The following TACC1 variants were observed in gnomAD, a reference collection of about 807,000 sequenced individuals.
TACC1 encodes the protein transforming acidic coiled-coil containing protein 1.
In TACC1, 48 loss-of-function variants were observed where a neutral mutation model predicts 84.4. That is an observed-to-expected ratio of 0.57 (90% CI 0.45 to 0.72). The LOEUF (loss-of-function observed/expected upper bound fraction) is 0.72, where lower values mean the gene tolerates loss of function less well. Ranked by LOEUF, TACC1 falls within the 30% of genes least tolerant of loss-of-function variation. TACC1 has a pLI of 0.00. For synonymous variants in TACC1, 372 were observed against 376.3 expected (o/e 0.99, Z 0.13); for missense variants, 920 against 973.0 (o/e 0.95, Z 0.72).
chr8:38,786,692 G>A (rs1267466631), upstream of TACC1, among the ~76,000 whole-genome samples: 1 of 151,972 alleles, frequency 6.6e-6, no homozygotes, highest in Non-Finnish European at 1.5e-5. Flanking sequence ...TCCAGTCCTC[G>A]GTCACTCTTG....
chr8:38,763,454 G>C (rs1249952042), intron 3 of TACC1, among the ~76,000 whole-genome samples: 4 of 152,194 alleles, frequency 2.6e-5, no homozygotes, highest in Admixed American at 2.6e-4. Context: ...ACCATGCCCG[G>C]CCTCATTTTG....
rs114058139 is a variant in TACC1 at position 38,852,177 on chromosome 8, G to C, written c.*4154G>C. On this transcript the variant is annotated 3_prime_UTR_variant, in exon 13 of 13. Coordinates refer to ENST00000317827, the MANE Select transcript of TACC1 (RefSeq NM_006283.3). Reference sequence around the variant, plus strand: ...TTTGTCCAAATGCAATCCCATTTCTGTGCCTCTTAGCATGCAGTTAGATTT... The same window carrying C: ...TTTGTCCAAATGCAATCCCATTTCTCTGCCTCTTAGCATGCAGTTAGATTT... 1.3e-3 allele frequency: 371 copies of C among 288,570 alleles called. 1 individual carries two copies. The highest frequency in any genetic ancestry group is 7.5e-3 in the African/African-American group (344 of 45,904). 17.9% of individuals were successfully genotyped at this position (288,570 alleles called of 1,614,324 possible).
chr8:38,787,697 C>A lies in TACC1; in HGVS notation c.115C>A (p.Pro39Thr). 6.5e-7 allele frequency: 1 copy of A among 1,538,754 alleles called. No homozygotes were observed. The highest frequency in any genetic ancestry group is 8.7e-7 in the Non-Finnish European group (1 of 1,148,638). Residue 39 changes from proline to threonine, a missense_variant, in exon 1 of 13, where the codon CCC becomes ACC. Physicochemically the swap from Pro to Thr is conservative, Grantham distance 38. Transcript: ENST00000317827. ...EDEAGGPEGD[P>T]EEEDSQAETK... is the part of the protein sequence containing the mutation. Reference sequence around the variant, plus strand: ...CGAGGCTGGCGGGCCCGAGGGCGACCCCGAGGAGGAGGATTCGCAAGCCGA... The same window carrying A: ...CGAGGCTGGCGGGCCCGAGGGCGACACCGAGGAGGAGGATTCGCAAGCCGA...
chr8:38,728,708 T>G (rs564877070), intron 1 of TACC1: 2 of 152,388 alleles, frequency 1.3e-5, no homozygotes, highest in South Asian at 4.1e-4. Flanking sequence ...TGAGGCCACT[T>G]CACACTTATT....
At chr8:38,736,021 C>G (rs1805890892) in intron 1 of TACC1, among the ~76,000 whole-genome samples, 1 of 152,198 alleles carries the variant, frequency 6.6e-6, no homozygotes, top group South Asian at 2.1e-4. Flanking sequence ...GGTACTCCCT[C>G]CAGTGGCTCC....
chr8:38,846,916 T>C, intron 12 of TACC1, 97 bp downstream of exon 12: 1 of 1,429,752 alleles, frequency 7.0e-7, no homozygotes, highest in Non-Finnish European at 9.5e-7. Context: ...AAAGAGGCCT[T>C]GGCTTTCTAC....
intron 6 of TACC1, among the ~76,000 whole-genome samples, chr8:38,833,138 A>G (rs1209233076): frequency 6.6e-6 from 1 of 152,224 alleles, no homozygotes; most frequent in African/African-American, 2.4e-5. Flanking sequence ...TTCTATAACA[A>G]GCTTGTCCAA....
intron 2 of TACC1, among the ~76,000 whole-genome samples, chr8:38,793,292 A>C (rs999791432): frequency 1.3e-5 from 2 of 152,214 alleles, no homozygotes; most frequent in East Asian, 3.8e-4. Flanking sequence ...GTTTGTTGAC[A>C]CAATTTTGGT....
chr8:38,744,892 C>A (rs985730125), intron 2 of TACC1: 1 of 152,106 alleles, frequency 6.6e-6, no homozygotes, highest in Non-Finnish European at 1.5e-5. Context: ...ACCATTCCTG[C>A]AGAAAATAAC....
chr8:38,759,203 CCT>C (rs1392548135), intron 3 of TACC1, among the ~76,000 whole-genome samples: 3 of 152,146 alleles, frequency 2.0e-5, no homozygotes, highest in African/African-American at 7.2e-5. Context: ...TTCCTTAACT[CCT>C]CTGTGTCTGT....
chr8:38,737,644 C>T (rs1806217305), intron 1 of TACC1, among the ~76,000 whole-genome samples: 1 of 151,968 alleles, frequency 6.6e-6, no homozygotes, highest in Non-Finnish European at 1.5e-5. Context: ...CCAAATAGGG[C>T]ATGGTGATAG....
chr8:38,841,994 A>ATG (rs1831367336), intron 9 of TACC1, among the ~76,000 whole-genome samples: 1 of 152,066 alleles, frequency 6.6e-6, no homozygotes, highest in African/African-American at 2.4e-5. Flanking sequence ...TCTCCCAGGT[A>ATG]GCTGTATGGC....
At chr8:38,840,420 A>G (rs907741314) in intron 9 of TACC1, 153 bp downstream of exon 9, 1 of 623,772 alleles carries the variant, frequency 1.6e-6, no homozygotes, top group Non-Finnish European at 2.7e-6. Flanking sequence ...GTGCCCACAG[A>G]TGAGATGTCT....
chr8:38,795,127 T>C (rs1173553732), intron 2 of TACC1, among the ~76,000 whole-genome samples: 2 of 152,182 alleles, frequency 1.3e-5, no homozygotes, highest in Non-Finnish European at 2.9e-5. Flanking sequence ...AATGTAAATG[T>C]GCCCCTAGGA....
At chr8:38,772,079 C>T (rs1308011226) in intron 3 of TACC1, among the ~76,000 whole-genome samples, 1 of 151,976 alleles carries the variant, frequency 6.6e-6, no homozygotes, top group Admixed American at 6.6e-5. Context: ...GGCAAGCAGG[C>T]AATGCTTCAA....
chr8:38,804,333 CTT>C (rs1822135866), intron 2 of TACC1, among the ~76,000 whole-genome samples: 1 of 152,040 alleles, frequency 6.6e-6, no homozygotes, highest in Non-Finnish European at 1.5e-5. Context: ...GAATTTCGCT[CTT>C]GTCACCCAGG....
chr8:38,780,631 G>GT (rs111820072), intron 3 of TACC1, among the ~76,000 whole-genome samples: 33,991 of 143,612 alleles, frequency 0.24, 4,127 homozygotes, highest in Non-Finnish European at 0.28. Flanking sequence ...GTTTTTTTTT[G>GT]TTTTTTTTTT....
chr8:38,760,073 A>G (rs1810918489), intron 3 of TACC1, among the ~76,000 whole-genome samples: 1 of 152,174 alleles, frequency 6.6e-6, no homozygotes, highest in South Asian at 2.1e-4. Flanking sequence ...TGAATAATAC[A>G]TCAATGCTGG....
At chr8:38,772,556 G>C (rs567147638) in intron 3 of TACC1, among the ~76,000 whole-genome samples, 1 of 152,268 alleles carries the variant, frequency 6.6e-6, no homozygotes, top group Non-Finnish European at 1.5e-5. Context: ...GGCACATGTG[G>C]GTTCTGCAGA....
Sources: allele counts gnomAD v4.1 joint callset (sites outside exome capture counted in the v4.1 genomes callset), GRCh38; gene constraint gnomAD v4.1.1; transcripts MANE v1.5; gene names NCBI Gene and HGNC (gene_info 2026-07-23, HGNC 2026-07-21).